RALYL: variants seen among roughly 807,000 people sequenced by gnomAD.
RALYL encodes the protein RALY RNA binding protein like.
A neutral mutation model predicts 35.1 loss-of-function variants in RALYL; 29 were observed. The observed-to-expected ratio is 0.83, with a 90% CI of 0.61 to 1.13. The LOEUF (loss-of-function observed/expected upper bound fraction) is 1.13. RALYL is among the 50% of genes most tolerant of loss of function. The pLI is 0.00. For synonymous variants in RALYL, 120 were observed against 127.6 expected, an observed-to-expected ratio of 0.94 and a Z score of 0.40; for missense variants, 359 against 360.4, an observed-to-expected ratio of 1.00 and a Z score of 0.03.
intron 1 of RALYL, among the ~76,000 whole-genome samples, chr8:84,335,941 G>A (rs1847727087): frequency 1.3e-5 from 2 of 151,982 alleles, no homozygotes; most frequent in Non-Finnish European, 2.9e-5. Context: ...CTCCTTTAGA[G>A]AAAAACAAAT....
chr8:84,270,774 G>A lies in RALYL; in HGVS notation c.-24+86350G>A, dbSNP rs148548340. On this transcript the variant is annotated intron_variant, in intron 1 of 8. Coordinates refer to ENST00000521268, the MANE Select transcript of RALYL (RefSeq NM_173848.7). ...ACATTTCTTAAAATTTTGCCAATAG[G>A]TAAGTAAATGTTAAAAATTTAAAAT... 8.3e-3 allele frequency among the ~76,000 whole-genome samples: 1,267 copies of A among 152,004 alleles called. 23 individuals are homozygous for A. Among genetic ancestry groups the A allele is most frequent in the African/African-American group, 0.029 (1,220 of 41,444 alleles).
chr8:84,388,342 C>T (rs1451243733), intron 1 of RALYL, among the ~76,000 whole-genome samples: 1 of 152,026 alleles, frequency 6.6e-6, no homozygotes, highest in African/African-American at 2.4e-5. Context: ...ATTTATAGTC[C>T]TTTGGGTATA....
At chr8:84,396,213 G>T (rs750024953) in intron 1 of RALYL, among the ~76,000 whole-genome samples, 8 of 151,882 alleles carry the variant, frequency 5.3e-5, no homozygotes, top group Non-Finnish European at 1.0e-4. Flanking sequence ...CTTGAAATAA[G>T]AATAATATCT....
chr8:84,214,814 T>A (rs1820382185), intron 1 of RALYL, among the ~76,000 whole-genome samples: 2 of 152,170 alleles, frequency 1.3e-5, no homozygotes. Context: ...AATTTTTACC[T>A]ATTGCGTTTA....
At chr8:84,270,299 G>A (rs1212162223) in intron 1 of RALYL, among the ~76,000 whole-genome samples, 2 of 152,194 alleles carry the variant, frequency 1.3e-5, no homozygotes, top group Non-Finnish European at 2.9e-5. Context: ...ACGTGGTGAT[G>A]GTGGAACGCA....
intron 2 of RALYL, among the ~76,000 whole-genome samples, chr8:84,753,338 G>C (rs539784764): frequency 6.6e-6 from 1 of 152,302 alleles, no homozygotes; most frequent in East Asian, 1.9e-4. Flanking sequence ...AGGCAGAAGG[G>C]ACTTGCCTTG....
intron 1 of RALYL, among the ~76,000 whole-genome samples, chr8:84,252,146 A>G (rs1447161452): frequency 6.6e-6 from 1 of 152,056 alleles, no homozygotes; most frequent in African/African-American, 2.4e-5. Context: ...AATTTTTACA[A>G]TTACATTTTG....
intron 1 of RALYL, among the ~76,000 whole-genome samples, chr8:84,277,247 T>C (rs891424824): frequency 3.3e-5 from 5 of 152,312 alleles, no homozygotes; most frequent in South Asian, 4.1e-4. Flanking sequence ...CAAAGGCACA[T>C]TGTGGCAGGC....
chr8:84,507,002 C>T (rs1347534476), intron 1 of RALYL, among the ~76,000 whole-genome samples: 1 of 151,986 alleles, frequency 6.6e-6, no homozygotes, highest in Non-Finnish European at 1.5e-5. Context: ...TGGCACTTAC[C>T]TAGAAAGTAC....
At chr8:84,191,753 A>C (rs1813935827) in intron 1 of RALYL, among the ~76,000 whole-genome samples, 1 of 152,160 alleles carries the variant, frequency 6.6e-6, no homozygotes, top group Admixed American at 6.5e-5. Context: ...GCATAATGAT[A>C]CTCTAAATAA....
intron 2 of RALYL, among the ~76,000 whole-genome samples, chr8:84,648,892 A>G (rs191122118): frequency 2.0e-5 from 3 of 151,806 alleles, no homozygotes; most frequent in African/African-American, 7.2e-5. Flanking sequence ...CCTATCTGAG[A>G]AGATTTTCTC....
intron 5 of RALYL, among the ~76,000 whole-genome samples, chr8:84,859,635 A>G (rs1026701048): frequency 6.6e-6 from 1 of 152,180 alleles, no homozygotes; most frequent in Non-Finnish European, 1.5e-5. Context: ...AGATCACTTC[A>G]GTCCAAGAGT....
intron 1 of RALYL, among the ~76,000 whole-genome samples, chr8:84,277,057 A>C (rs1835532782): frequency 6.6e-6 from 1 of 152,232 alleles, no homozygotes; most frequent in Non-Finnish European, 1.5e-5. Flanking sequence ...TTATATCTCT[A>C]CTGTGTCTTT....
intron 4 of RALYL, among the ~76,000 whole-genome samples, chr8:84,825,634 G>A (rs566370535): frequency 2.0e-5 from 3 of 152,244 alleles, no homozygotes; most frequent in East Asian, 1.9e-4. Context: ...TTGGAAGGCC[G>A]AGGCAGGCAG....
At chr8:84,256,427 C>A (rs2131744157) in intron 1 of RALYL, among the ~76,000 whole-genome samples, 1 of 152,098 alleles carries the variant, frequency 6.6e-6, no homozygotes, top group African/African-American at 2.4e-5. Flanking sequence ...TCCTATGTAC[C>A]AACTGAGAGT....
chr8:84,870,059 A>G (rs1839918154), intron 6 of RALYL, among the ~76,000 whole-genome samples: 2 of 152,122 alleles, frequency 1.3e-5, no homozygotes, highest in Non-Finnish European at 1.5e-5. Flanking sequence ...CCTGACTTCT[A>G]TTTCTCTAGT....
At chr8:84,704,764 A>C (rs940714801) in intron 2 of RALYL, among the ~76,000 whole-genome samples, 1 of 152,180 alleles carries the variant, frequency 6.6e-6, no homozygotes, top group Non-Finnish European at 1.5e-5. Flanking sequence ...GAAAACTTAT[A>C]GAATATTATT....
At chr8:84,873,243 T>C (rs1840547265) in intron 6 of RALYL, 41 bp from the exon 7 acceptor site, 1 of 1,164,072 alleles carries the variant, frequency 8.6e-7, no homozygotes, top group Admixed American at 2.0e-5. Flanking sequence ...TTATGGTGCA[T>C]TTGATGCTCT....
At chr8:84,436,544 T>G (rs894062485) in intron 1 of RALYL, among the ~76,000 whole-genome samples, 219 of 19,154 alleles carry the variant, frequency 0.011, no homozygotes, top group African/African-American at 0.013. Context: ...ATCATGGGAG[T>G]TTTTTTTTTT....
Sources: gnomAD v4.1 joint callset for allele counts (sites outside exome capture counted in the v4.1 genomes callset) on GRCh38, gnomAD v4.1.1 for gene constraint, MANE v1.5 for transcripts, NCBI Gene and HGNC (gene_info 2026-07-23, HGNC 2026-07-21) for gene names.